Variants in SULT4A1 observed in about 807,000 individuals in gnomAD.
The protein encoded by SULT4A1 is sulfotransferase family 4A member 1, also known as sulfotransferase 4A1.
In SULT4A1, 11 loss-of-function variants were observed where a neutral mutation model predicts 35.2. That is an observed-to-expected ratio of 0.31 (90% CI 0.20 to 0.52). SULT4A1 has a LOEUF of 0.52. Ranked by LOEUF, SULT4A1 falls within the 20% of genes least tolerant of loss-of-function variation. The pLI is 0.97. For missense variants in SULT4A1, 271 were observed against 383.7 expected, an observed-to-expected ratio of 0.71 and a Z score of 2.45; for synonymous variants, 152 against 151.8, an observed-to-expected ratio of 1.00 and a Z score of -0.01.
chr22:43,828,992 A>G (rs1395592205), intron 6 of SULT4A1, 68 bp downstream of exon 6: 1 of 1,451,154 alleles, frequency 6.9e-7, no homozygotes, highest in East Asian at 2.6e-5. Context: ...CGGCTCCCTA[A>G]GCAGGCAGAG....
At chr22:43,853,225 A>G (rs1450238895) in intron 1 of SULT4A1, among the ~76,000 whole-genome samples, 1 of 152,162 alleles carries the variant, frequency 6.6e-6, no homozygotes, top group Non-Finnish European at 1.5e-5. Flanking sequence ...ACCAAGGCTC[A>G]CAAAGCAAGT....
intron 1 of SULT4A1, among the ~76,000 whole-genome samples, chr22:43,848,882 G>C (rs1335770898): frequency 2.0e-5 from 3 of 152,212 alleles, no homozygotes; most frequent in Non-Finnish European, 4.4e-5. Context: ...GAGCCAACAG[G>C]GCAGAGCCAC....
intron 4 of SULT4A1, among the ~76,000 whole-genome samples, chr22:43,836,598 T>C (rs2019158): frequency 7.7e-5 from 6 of 77,616 alleles, no homozygotes; most frequent in African/African-American, 2.9e-4. Context: ...AGGGACCCTG[T>C]CTACACAGCG....
chr22:43,853,771 C>T (rs2049370286), intron 1 of SULT4A1, among the ~76,000 whole-genome samples: 1 of 152,250 alleles, frequency 6.6e-6, no homozygotes, highest in Non-Finnish European at 1.5e-5. Flanking sequence ...AACCCTGAGG[C>T]TGCCAAGAGG....
intron 1 of SULT4A1, among the ~76,000 whole-genome samples, chr22:43,854,180 T>A (rs1405335120): frequency 6.6e-6 from 1 of 152,146 alleles, no homozygotes; most frequent in East Asian, 1.9e-4. Context: ...CCCATGCACA[T>A]CTTTGCCGCG....
At chr22:43,828,568 T>G (rs1328800439) in intron 6 of SULT4A1, among the ~76,000 whole-genome samples, 3 of 152,238 alleles carry the variant, frequency 2.0e-5, no homozygotes, top group South Asian at 2.1e-4. Flanking sequence ...ACCCAGAAGA[T>G]GCTCAGTCAG....
chr22:43,840,092 A>C, intron 2 of SULT4A1, 67 bp from the exon 3 acceptor site: 1 of 645,230 alleles, frequency 1.5e-6, no homozygotes, highest in Non-Finnish European at 2.5e-6. Context: ...AGTGGGGCCA[A>C]GGGGAAGGGG....
chr22:43,832,963 G>A (rs2071885), intron 5 of SULT4A1, among the ~76,000 whole-genome samples: 2 of 151,956 alleles, frequency 1.3e-5, no homozygotes, highest in Non-Finnish European at 1.5e-5. Context: ...AGCCCCACAG[G>A]CTGGCCTTGT....
At chr22:43,827,425 A>C (rs1009843065) in intron 6 of SULT4A1, 4 of 1,194,350 alleles carry the variant, frequency 3.3e-6, no homozygotes, top group Admixed American at 7.8e-5. Context: ...AAGGGGCAAA[A>C]TTAGAAGCTG....
chr22:43,838,904 G>A lies in SULT4A1; in HGVS notation c.471C>T (p.Thr157=), dbSNP rs1169389768. ...TAAACCTCCGGCAGAATTCTTGAAA[G>A]GTGCCTCGGTAGCTCATGGTCCGCA... ...RSLRTMSYRG[T]FQEFCRRFMN... Residue 157 remains threonine, a synonymous_variant, in exon 4 of 7, where the codon ACC becomes ACT. Transcript: ENST00000330884. 3 of 1,614,076 alleles carry A rather than the reference G, an allele frequency of 1.9e-6. No individual in the cohort carries two copies. Among genetic ancestry groups the A allele is most frequent in the Middle Eastern group, 1.6e-4 (1 of 6,084 alleles).
intron 1 of SULT4A1, among the ~76,000 whole-genome samples, chr22:43,844,008 G>T (rs974585574): frequency 4.6e-5 from 7 of 152,118 alleles, no homozygotes; most frequent in Non-Finnish European, 8.8e-5. Flanking sequence ...TCTCCAGGTG[G>T]GCAGTGCTGG....
intron 1 of SULT4A1, among the ~76,000 whole-genome samples, chr22:43,847,647 C>G (rs924728776): frequency 1.3e-5 from 2 of 151,802 alleles, no homozygotes; most frequent in Non-Finnish European, 2.9e-5. Flanking sequence ...GGCCCAAAGC[C>G]TTCAACAGGC....
chr22:43,852,004 G>C (rs2049347073), intron 1 of SULT4A1, among the ~76,000 whole-genome samples: 2 of 152,058 alleles, frequency 1.3e-5, no homozygotes, highest in Non-Finnish European at 2.9e-5. Context: ...TCCTGCTCTG[G>C]GAGTTCAGAG....
chr22:43,852,817 GA>G, intron 1 of SULT4A1, among the ~76,000 whole-genome samples: 1 of 150,642 alleles, frequency 6.6e-6, no homozygotes, highest in Admixed American at 6.7e-5. Flanking sequence ...AGCACCAGCT[GA>G]GGACATGCTG....
chr22:43,851,866 G>A (rs2049345145), intron 1 of SULT4A1, among the ~76,000 whole-genome samples: 1 of 152,120 alleles, frequency 6.6e-6, no homozygotes, highest in African/African-American at 2.4e-5. Context: ...TCCTGGGCTG[G>A]GCTGCTGGAA....
At chr22:43,836,627 C>A (rs957388407) in intron 4 of SULT4A1, among the ~76,000 whole-genome samples, 5 of 144,856 alleles carry the variant, frequency 3.5e-5, no homozygotes, top group African/African-American at 1.3e-4. Context: ...CTGCAGGTGC[C>A]ACAGGGATCC....
intron 1 of SULT4A1, among the ~76,000 whole-genome samples, chr22:43,845,997 C>A (rs2063473802): frequency 6.6e-6 from 1 of 152,200 alleles, no homozygotes. Flanking sequence ...TGTTTTCAAC[C>A]CAGCGGCCAA....
At chr22:43,834,087 G>A (rs996687832) in intron 4 of SULT4A1, among the ~76,000 whole-genome samples, 3 of 152,162 alleles carry the variant, frequency 2.0e-5, no homozygotes, top group African/African-American at 7.2e-5. Flanking sequence ...GACAGGGGCC[G>A]CTAGGGTTGC....
At chr22:43,826,545 C>G in intron 6 of SULT4A1, 1 of 985,402 alleles carries the variant, frequency 1.0e-6, no homozygotes, top group Non-Finnish European at 1.2e-6. Context: ...CACAGGCAGC[C>G]CTGGCCCTTC....
Sources: gnomAD v4.1 joint callset for allele counts (sites outside exome capture counted in the v4.1 genomes callset) on GRCh38, gnomAD v4.1.1 for gene constraint, MANE v1.5 for transcripts, NCBI Gene and HGNC (gene_info 2026-07-23, HGNC 2026-07-21) for gene names.